Variants in C8orf88 observed in about 807,000 individuals in gnomAD.
C8orf88 encodes the protein uncharacterized protein C8orf88.
In C8orf88, 14 loss-of-function variants were observed where a neutral mutation model predicts 18.4. That is an observed-to-expected ratio of 0.76 (90% CI 0.50 to 1.19). The LOEUF (loss-of-function observed/expected upper bound fraction) is 1.19. C8orf88 is among the 50% of genes most tolerant of loss of function. C8orf88 has a pLI of 0.00. For synonymous variants in C8orf88, 45 were observed against 42.9 expected, an observed-to-expected ratio of 1.05 and a Z score of -0.19; for missense variants, 116 against 134.7, an observed-to-expected ratio of 0.86 and a Z score of 0.69.
At chr8:90,972,417 TA>T (rs72355572) in intron 3 of C8orf88, among the ~76,000 whole-genome samples, 16,490 of 145,456 alleles carry the variant, frequency 0.11, 1,045 homozygotes, top group African/African-American at 0.19. Flanking sequence ...TTCTAAAAAT[TA>T]AAAAAAAAAA....
At chr8:90,974,257 G>T (rs1292012584) in intron 3 of C8orf88, among the ~76,000 whole-genome samples, 2 of 152,164 alleles carry the variant, frequency 1.3e-5, no homozygotes, top group African/African-American at 2.4e-5. Flanking sequence ...TCCAGTCCCA[G>T]ATATTAAGAG....
intron 2 of C8orf88, among the ~76,000 whole-genome samples, chr8:90,979,897 C>A (rs1490877400): frequency 1.3e-5 from 2 of 152,118 alleles, no homozygotes; most frequent in Non-Finnish European, 2.9e-5. Flanking sequence ...TCAAACACAG[C>A]CATAACCTCT....
intron 1 of C8orf88, among the ~76,000 whole-genome samples, chr8:90,984,604 A>C (rs1423555638): frequency 2.0e-5 from 3 of 152,140 alleles, no homozygotes; most frequent in African/African-American, 7.2e-5. Flanking sequence ...GGGATTTCTC[A>C]AAACAAAACA....
chr8:90,960,886 G>T, intron 4 of C8orf88, 38 bp from the exon 5 acceptor site: 3 of 1,217,122 alleles, frequency 2.5e-6, no homozygotes, highest in Non-Finnish European at 3.5e-6. Flanking sequence ...GTTAGGAAAT[G>T]TAGGGCTGTC....
In C8orf88 at chr8:90,961,347, G is replaced by A. The variant is rs186401630; in HGVS notation, c.224-499C>T. Among the ~76,000 whole-genome samples the A allele has an allele frequency of 1.0e-3, 152 of 151,258 alleles. 1 individual carries two copies. The highest frequency in any genetic ancestry group is 3.1e-3 in the African/African-American group (127 of 41,422). The stretch of plus-strand genomic sequence containing the variant: ...CCAAGATAGGGCCCCTATCTTCAAG[G>A]AGAACAATGTTTCAAATATCTGCAG... On this transcript the variant is annotated intron_variant, in intron 4 of 5. Transcript: ENST00000517562.
intron 1 of C8orf88, among the ~76,000 whole-genome samples, chr8:90,983,889 C>A (rs2054806): frequency 0.47 from 71,935 of 151,908 alleles, 20,434 homozygotes; most frequent in Non-Finnish European, 0.64. Flanking sequence ...GTGGACACTG[C>A]GTGTATAGAT....
chr8:90,970,406 C>A (rs536028999), intron 4 of C8orf88, among the ~76,000 whole-genome samples: 1 of 151,926 alleles, frequency 6.6e-6, no homozygotes, highest in Non-Finnish European at 1.5e-5. Flanking sequence ...AAACTACATA[C>A]ATTAATTGAC....
chr8:90,966,203 G>A (rs1811193881), intron 4 of C8orf88, among the ~76,000 whole-genome samples: 1 of 151,554 alleles, frequency 6.6e-6, no homozygotes, highest in Non-Finnish European at 1.5e-5. Context: ...GTCCTTTGTA[G>A]GGACATGGAT....
chr8:90,970,898 T>C (rs575623754), intron 4 of C8orf88, among the ~76,000 whole-genome samples, 168 bp downstream of exon 4: 11 of 152,168 alleles, frequency 7.2e-5, no homozygotes, highest in Admixed American at 2.6e-4. Context: ...TTCTGGTCTC[T>C]CCTTGAAAGC....
intron 1 of C8orf88, 122 bp from the exon 2 acceptor site, chr8:90,980,583 A>G: frequency 2.0e-6 from 1 of 512,306 alleles, no homozygotes; most frequent in Non-Finnish European, 3.4e-6. Context: ...GGAAAACACA[A>G]ACACAAAAAA....
chr8:90,976,411 C>T (rs1027347524), intron 3 of C8orf88, among the ~76,000 whole-genome samples: 1 of 152,014 alleles, frequency 6.6e-6, no homozygotes, highest in African/African-American at 2.4e-5. Context: ...TTTGATTTTT[C>T]TCTATAAAAC....
At chr8:90,972,513 C>A (rs1180124268) in intron 3 of C8orf88, among the ~76,000 whole-genome samples, 2 of 151,802 alleles carry the variant, frequency 1.3e-5, no homozygotes, top group Non-Finnish European at 2.9e-5. Context: ...TAAAATCAAA[C>A]TTGAAGGTAA....
intron 4 of C8orf88, among the ~76,000 whole-genome samples, chr8:90,965,426 A>G (rs1409793765): frequency 1.3e-5 from 2 of 151,968 alleles, no homozygotes; most frequent in East Asian, 3.9e-4. Flanking sequence ...AGACTACAAT[A>G]TCCCATTCTC....
At chr8:90,961,812 C>T (rs1232493513) in intron 4 of C8orf88, among the ~76,000 whole-genome samples, 1 of 151,354 alleles carries the variant, frequency 6.6e-6, no homozygotes, top group Admixed American at 6.6e-5. Flanking sequence ...TGTTTCAATA[C>T]ATTTTTATTT....
chr8:90,965,394 A>G (rs574444498), intron 4 of C8orf88, among the ~76,000 whole-genome samples: 1 of 151,978 alleles, frequency 6.6e-6, no homozygotes, highest in Non-Finnish European at 1.5e-5. Context: ...ACAGAAATGG[A>G]CATTTTAACA....
intron 4 of C8orf88, among the ~76,000 whole-genome samples, chr8:90,969,969 G>A (rs1370556340): frequency 6.6e-6 from 1 of 151,926 alleles, no homozygotes; most frequent in Non-Finnish European, 1.5e-5. Flanking sequence ...AGGAAAAAAA[G>A]AACTGATATA....
At chr8:90,970,095 T>G (rs1007984489) in intron 4 of C8orf88, among the ~76,000 whole-genome samples, 15 of 151,910 alleles carry the variant, frequency 9.9e-5, no homozygotes, top group Admixed American at 2.6e-4. Flanking sequence ...GAAAAAACAA[T>G]AAACTGTATG....
At chr8:90,959,111 G>T in intron 5 of C8orf88, 81 bp from the exon 6 acceptor site, 1 of 620,410 alleles carries the variant, frequency 1.6e-6, no homozygotes, top group Non-Finnish European at 2.7e-6. Context: ...CAAATACTGT[G>T]AACGTACCAG....
At chr8:90,983,138 A>G (rs1007386753) in intron 1 of C8orf88, among the ~76,000 whole-genome samples, 1 of 152,312 alleles carries the variant, frequency 6.6e-6, no homozygotes, top group East Asian at 1.9e-4. Context: ...TTCAAAGCAC[A>G]GTTACAAAAT....
Sources: allele counts gnomAD v4.1 joint callset (sites outside exome capture counted in the v4.1 genomes callset), GRCh38; gene constraint gnomAD v4.1.1; transcripts MANE v1.5; gene names NCBI Gene and HGNC (gene_info 2026-07-23, HGNC 2026-07-21).